The following TNRC6B variants were observed in gnomAD, a reference collection of about 807,000 sequenced individuals.
TNRC6B encodes the protein trinucleotide repeat containing adaptor 6B.
In TNRC6B, 52 loss-of-function variants were observed where a neutral mutation model predicts 203.6. The ratio of observed to expected loss-of-function variants is 0.26; its 90% confidence interval spans 0.20 to 0.32. The LOEUF (loss-of-function observed/expected upper bound fraction) is 0.32, where lower values mean the gene tolerates loss of function less well. Among genes scored for constraint, TNRC6B ranks in the 10% least tolerant of loss-of-function variants. TNRC6B has a pLI of 1.00. For synonymous variants in TNRC6B, 838 were observed against 845.7 expected, an observed-to-expected ratio of 0.99 and a Z score of 0.16; for missense variants, 1,923 against 2,286.2, an observed-to-expected ratio of 0.84 and a Z score of 3.24.
At chr22:40,078,627 C>G (rs531131799) in intron 1 of TNRC6B, among the ~76,000 whole-genome samples, 2 of 151,956 alleles carry the variant, frequency 1.3e-5, no homozygotes, top group Non-Finnish European at 2.9e-5. Context: ...GGATCTCACT[C>G]TGTCATCCAG....
At chr22:40,235,533 C>G (rs2096226608) in intron 1 of TNRC6B, among the ~76,000 whole-genome samples, 1 of 152,202 alleles carries the variant, frequency 6.6e-6, no homozygotes, top group Non-Finnish European at 1.5e-5. Context: ...ACATCCCCAT[C>G]TCTAATTGTG....
At chr22:40,300,629 C>CTTT in intron 13 of TNRC6B, 43 bp downstream of exon 13, 6 of 1,296,086 alleles carry the variant, frequency 4.6e-6, no homozygotes, top group African/African-American at 1.5e-5. Context: ...AGGTCATTTG[C>CTTT]TTTTTTTTTT....
intron 12 of TNRC6B, among the ~76,000 whole-genome samples, chr22:40,296,643 T>TTC (rs1221340385): frequency 6.6e-6 from 1 of 151,426 alleles, no homozygotes; most frequent in Non-Finnish European, 1.5e-5. Flanking sequence ...TTTTTTTTTT[T>TTC]TCCTTATGGT....
chr22:40,207,863 A>C lies in TNRC6B; in HGVS notation c.5+29723A>C, dbSNP rs938621842. Reference sequence around the variant, plus strand: ...AGCAGTAGCTCACACCTGTAATCCCAGCACTTTGGGAGGCTGAGGTGGGCA... The same window carrying C: ...AGCAGTAGCTCACACCTGTAATCCCCGCACTTTGGGAGGCTGAGGTGGGCA... On this transcript the variant is annotated intron_variant, in intron 1 of 22. Transcript: ENST00000454349. Among the ~76,000 whole-genome samples, 9 of 152,162 alleles carry C rather than the reference A, an allele frequency of 5.9e-5. 1 individual carries two copies.
chr22:40,085,842 TTGTTGC>T (rs1165614164), intron 1 of TNRC6B, among the ~76,000 whole-genome samples: 2 of 134,550 alleles, frequency 1.5e-5, no homozygotes, highest in Non-Finnish European at 3.1e-5. Flanking sequence ...ACTATTTTTG[TTGTTGC>T]TGTTGTTGTT....
At chr22:40,104,540 C>T (rs1180429824) in intron 1 of TNRC6B, among the ~76,000 whole-genome samples, 3 of 152,150 alleles carry the variant, frequency 2.0e-5, no homozygotes, top group Non-Finnish European at 2.9e-5. Flanking sequence ...CTGCTACCTG[C>T]CAGGCACTGT....
At chr22:40,308,729 CA>C in intron 16 of TNRC6B, 80 bp downstream of exon 16, 1 of 1,477,224 alleles carries the variant, frequency 6.8e-7, no homozygotes, top group Non-Finnish European at 9.1e-7. Context: ...TTTTGAAGTA[CA>C]GAACTTGGTA....
At chr22:40,192,136 A>G (rs189471931) in intron 1 of TNRC6B, among the ~76,000 whole-genome samples, 2 of 152,312 alleles carry the variant, frequency 1.3e-5, no homozygotes, top group African/African-American at 4.8e-5. Flanking sequence ...CTGAGATAAG[A>G]TCCAGCTGTG....
At chr22:40,228,537 T>C (rs77087443) in intron 1 of TNRC6B, among the ~76,000 whole-genome samples, 2 of 151,386 alleles carry the variant, frequency 1.3e-5, no homozygotes, top group Non-Finnish European at 2.9e-5. Flanking sequence ...TTTTTTTTTT[T>C]GAGACAGAGT....
chr22:40,096,230 A>G (rs1229977294), intron 1 of TNRC6B, among the ~76,000 whole-genome samples: 1 of 152,228 alleles, frequency 6.6e-6, no homozygotes, highest in Admixed American at 6.5e-5. Flanking sequence ...CCAATGGCCA[A>G]TTCTTAGGAA....
At chr22:40,167,844 G>A (rs9619849) in intron 4 of TNRC6B, among the ~76,000 whole-genome samples, 1,615 of 152,060 alleles carry the variant, frequency 0.011, 23 homozygotes, top group African/African-American at 0.037. Context: ...GATTGTAGCC[G>A]GGGCAACAGA....
chr22:40,313,045 A>G (rs1601515633), intron 19 of TNRC6B, 48 bp downstream of exon 19: 2 of 1,462,844 alleles, frequency 1.4e-6, no homozygotes, highest in Non-Finnish European at 1.9e-6. Context: ...CTTTTTCATC[A>G]GGTTCCCTTT....
intron 11 of TNRC6B, among the ~76,000 whole-genome samples, chr22:40,284,795 G>GT (rs1283654706): frequency 2.0e-4 from 31 of 152,320 alleles, no homozygotes; most frequent in African/African-American, 7.2e-4. Flanking sequence ...AGTGAAGATG[G>GT]TATCAGAAAG....
intron 4 of TNRC6B, among the ~76,000 whole-genome samples, chr22:40,263,917 A>G (rs1259608374): frequency 6.6e-6 from 1 of 152,186 alleles, no homozygotes; most frequent in Non-Finnish European, 1.5e-5. Context: ...TGCCTAAAAG[A>G]CGCTAACATG....
At chr22:40,058,957 T>G (rs2067824252) in intron 1 of TNRC6B, among the ~76,000 whole-genome samples, 2 of 152,238 alleles carry the variant, frequency 1.3e-5, no homozygotes, top group South Asian at 4.1e-4. Context: ...AAACATTTCC[T>G]ACGTACTATT....
intron 3 of TNRC6B, among the ~76,000 whole-genome samples, chr22:40,256,863 A>C (rs2070286925): frequency 6.6e-6 from 1 of 152,228 alleles, no homozygotes; most frequent in Admixed American, 6.5e-5. Context: ...AAGCTGCAGA[A>C]AAACCAAAGA....
intron 1 of TNRC6B, among the ~76,000 whole-genome samples, chr22:40,075,493 T>A (rs2068005130): frequency 1.3e-5 from 2 of 152,082 alleles, no homozygotes; most frequent in African/African-American, 4.8e-5. Flanking sequence ...TTCCTTTTAC[T>A]TTTAACTTAT....
At chr22:40,220,582 ATCT>A (rs778616762) in intron 1 of TNRC6B, among the ~76,000 whole-genome samples, 12 of 152,138 alleles carry the variant, frequency 7.9e-5, no homozygotes, top group Non-Finnish European at 1.2e-4. Flanking sequence ...AAATCACTGT[ATCT>A]TCTTAGAAAT....
chr22:40,161,513 C>T (rs1178701666), intron 4 of TNRC6B, among the ~76,000 whole-genome samples: 2 of 152,020 alleles, frequency 1.3e-5, no homozygotes, highest in African/African-American at 4.8e-5. Flanking sequence ...TTCCCAAAAC[C>T]TCAAAAAATT....
Sources: gnomAD v4.1 joint callset for allele counts (sites outside exome capture counted in the v4.1 genomes callset) on GRCh38, gnomAD v4.1.1 for gene constraint, MANE v1.5 for transcripts, NCBI Gene and HGNC (gene_info 2026-07-23, HGNC 2026-07-21) for gene names.